The following IL22RA2 variants were observed in gnomAD, a reference collection of about 807,000 sequenced individuals.
IL22RA2 encodes interleukin-22 receptor subunit alpha-2.
A neutral mutation model predicts 30.7 loss-of-function variants in IL22RA2; 39 were observed. The observed-to-expected ratio is 1.27, with a 90% CI of 0.98 to 1.66. The LOEUF (loss-of-function observed/expected upper bound fraction) is 1.66, where lower values mean the gene tolerates loss of function less well. Among genes scored for constraint, IL22RA2 ranks in the 40% most tolerant of loss-of-function variants. IL22RA2 has a pLI of 0.00. For missense variants in IL22RA2, 315 were observed against 312.7 expected (o/e 1.01, Z -0.05); for synonymous variants, 103 against 105.0 (o/e 0.98, Z 0.11).
intron 1 of IL22RA2, among the ~76,000 whole-genome samples, chr6:137,164,466 G>T (rs896389527): frequency 2.0e-5 from 3 of 152,208 alleles, no homozygotes; most frequent in Admixed American, 6.5e-5. Flanking sequence ...AAACTGCAAG[G>T]CATCAGAAAA....
At chr6:137,156,618 G>T in intron 4 of IL22RA2, 141 bp downstream of exon 4, 4 of 1,121,566 alleles carry the variant, frequency 3.6e-6, no homozygotes, top group African/African-American at 1.6e-5. Context: ...TTATAAATTT[G>T]TCTTGTGCTG....
intron 1 of IL22RA2, among the ~76,000 whole-genome samples, chr6:137,162,481 T>A (rs115819376): frequency 5.8e-4 from 89 of 152,282 alleles, no homozygotes; most frequent in African/African-American, 1.8e-3. Context: ...ATTTTGAGCC[T>A]GTCAAACCAC....
At chr6:137,147,112 G>A (rs935241008) in intron 6 of IL22RA2, among the ~76,000 whole-genome samples, 2 of 150,892 alleles carry the variant, frequency 1.3e-5, no homozygotes, top group South Asian at 2.1e-4. Flanking sequence ...CACTTTGGGA[G>A]GCCAAGGCTG....
At chr6:137,161,158 A>G (rs1281284726) in intron 2 of IL22RA2, among the ~76,000 whole-genome samples, 1 of 152,212 alleles carries the variant, frequency 6.6e-6, no homozygotes, top group African/African-American at 2.4e-5. Context: ...CATTTGGCAT[A>G]TATTAATTGA....
intron 2 of IL22RA2, among the ~76,000 whole-genome samples, chr6:137,160,944 GGACA>G (rs926408405): frequency 2.6e-5 from 4 of 152,206 alleles, no homozygotes; most frequent in Non-Finnish European, 5.9e-5. Context: ...ATTAGTCACT[GGACA>G]ACTGCACCAT....
chr6:137,155,104 T>C lies in IL22RA2; in HGVS notation c.309A>G (p.Gln103=). 2 of 1,591,254 alleles carry C rather than the reference T, an allele frequency of 1.3e-6. No homozygotes were observed. Among genetic ancestry groups the C allele is most frequent in the South Asian group, 1.1e-5 (1 of 88,404 alleles). ...CRTLAKYGQR[Q]WKNKEDCWGT... is the part of the protein sequence containing the mutation. ...CCCAACAGTCTTCTTTATTTTTCCA[T>C]TGTCTCTGTCCATATCTGTAGCAGG... is the stretch of plus-strand genomic sequence containing the variant. Residue 103 remains glutamine (Q), a synonymous_variant, in exon 5 of 7, where the codon CAA becomes CAG. Coordinates refer to ENST00000296980, the MANE Select transcript of IL22RA2 (RefSeq NM_052962.3).
intron 1 of IL22RA2, among the ~76,000 whole-genome samples, chr6:137,170,960 C>T (rs145625271): frequency 2.0e-5 from 3 of 152,274 alleles, no homozygotes; most frequent in East Asian, 3.9e-4. Context: ...GTTGCTTCAG[C>T]CTCCGCAAGT....
At chr6:137,151,815 T>A (rs1054005907) in intron 5 of IL22RA2, among the ~76,000 whole-genome samples, 2 of 152,208 alleles carry the variant, frequency 1.3e-5, no homozygotes, top group Non-Finnish European at 2.9e-5. Flanking sequence ...ACATCATTAA[T>A]TAGCAGGTAA....
At chr6:137,150,697 T>C (rs1562268557) in intron 5 of IL22RA2, among the ~76,000 whole-genome samples, 1 of 152,186 alleles carries the variant, frequency 6.6e-6, no homozygotes, top group African/African-American at 2.4e-5. Flanking sequence ...TAGGCTTGAA[T>C]ATAATAATCA....
rs1201901174 is a variant in IL22RA2 at position 137,144,645 on chromosome 6, A to T, written c.*979T>A. The T allele has an allele frequency of 6.6e-6, 1 of 152,282 alleles. No homozygotes were observed. Among genetic ancestry groups the T allele is most frequent in the African/African-American group, 2.4e-5 (1 of 41,424 alleles). The allele number at this position is 152,282 out of a possible 1,614,324, so 9.4% of individuals were successfully genotyped here. A position where few individuals can be genotyped will look rare whatever the true frequency, so the allele number is the denominator to read the frequency against. ...TACCAACACCGGTCCTTCTCCTGCTACCCACTGTGTGCTTCCAGCTTCAAG... is the reference window on the plus strand; with the variant it reads ...TACCAACACCGGTCCTTCTCCTGCTTCCCACTGTGTGCTTCCAGCTTCAAG... On this transcript the variant is annotated 3_prime_UTR_variant, in exon 7 of 7. Transcript: ENST00000296980.
intron 1 of IL22RA2, among the ~76,000 whole-genome samples, chr6:137,163,096 C>T (rs562392071): frequency 6.6e-5 from 10 of 152,312 alleles, no homozygotes; most frequent in South Asian, 6.2e-4. Context: ...CCAGTGAGTT[C>T]CTGCATGACT....
chr6:137,146,469 G>A (rs576490431), intron 6 of IL22RA2, among the ~76,000 whole-genome samples: 17 of 152,220 alleles, frequency 1.1e-4, no homozygotes, highest in African/African-American at 4.1e-4. Flanking sequence ...ACTCACTTCC[G>A]TTTCCCTTCC....
chr6:137,154,201 G>A (rs1778350614), intron 5 of IL22RA2, among the ~76,000 whole-genome samples: 2 of 152,096 alleles, frequency 1.3e-5, no homozygotes, highest in Admixed American at 6.5e-5. Flanking sequence ...GCCTTTTTGG[G>A]GAGGTGACTA....
At chr6:137,157,180 G>T (rs1778423525) in intron 3 of IL22RA2, among the ~76,000 whole-genome samples, 1 of 152,124 alleles carries the variant, frequency 6.6e-6, no homozygotes, top group Non-Finnish European at 1.5e-5. Flanking sequence ...TAAAATCCTT[G>T]CATTGGGGTC....
intron 2 of IL22RA2, 54 bp downstream of exon 2, chr6:137,161,635 G>A: frequency 6.9e-7 from 1 of 1,448,742 alleles, no homozygotes. Flanking sequence ...ACAGATCCTT[G>A]ATTGGACTCA....
chr6:137,167,300 ATCAGGTGCTGCCCATGGTCCTTCTCTGAG>A (rs1320832931), intron 1 of IL22RA2, among the ~76,000 whole-genome samples: 1 of 152,192 alleles, frequency 6.6e-6, no homozygotes, highest in Non-Finnish European at 1.5e-5. Context: ...CTAAGATGGG[ATCAGGTGCTGCCCATGGTCCTTCTCTGAG>A]TCAGGTGCAC....
At chr6:137,152,177 C>T (rs750628296) in intron 5 of IL22RA2, among the ~76,000 whole-genome samples, 11 of 151,776 alleles carry the variant, frequency 7.2e-5, no homozygotes, top group Non-Finnish European at 1.0e-4. Context: ...TGTGCCACTG[C>T]GCTCCAGCCC....
chr6:137,158,591 C>T (rs1778458458), intron 2 of IL22RA2, 109 bp from the exon 3 acceptor site: 1 of 1,139,458 alleles, frequency 8.8e-7, no homozygotes, highest in African/African-American at 1.5e-5. Flanking sequence ...AGTAGTTGCT[C>T]TAAGTGCAGA....
intron 4 of IL22RA2, 66 bp downstream of exon 4, chr6:137,156,693 G>A (rs1406586373): frequency 6.4e-7 from 1 of 1,574,428 alleles, no homozygotes; most frequent in African/African-American, 1.3e-5. Context: ...ATACAATCTT[G>A]GTCCATTTAA....
Sources: gnomAD v4.1 joint callset for allele counts (sites outside exome capture counted in the v4.1 genomes callset) on GRCh38, gnomAD v4.1.1 for gene constraint, MANE v1.5 for transcripts, NCBI Gene and HGNC (gene_info 2026-07-23, HGNC 2026-07-21) for gene names.